Variants in RARB observed in about 807,000 individuals in gnomAD.
RARB encodes the protein HBV-activated protein.
RARB carries 17 observed loss-of-function variants against 51.9 expected under a neutral mutation model. The observed-to-expected ratio is 0.33, with a 90% CI of 0.22 to 0.49. RARB has a LOEUF of 0.49. Among genes scored for constraint, RARB ranks in the 20% least tolerant of loss-of-function variants. RARB has a pLI of 0.99. For synonymous variants in RARB, 215 were observed against 195.4 expected, an observed-to-expected ratio of 1.10 and a Z score of -0.84; for missense variants, 369 against 550.8, an observed-to-expected ratio of 0.67 and a Z score of 3.30.
At chr3:25,334,594 G>A (rs1705007236) in intron 5 of RARB, among the ~76,000 whole-genome samples, 1 of 152,116 alleles carries the variant, frequency 6.6e-6, no homozygotes, top group Non-Finnish European at 1.5e-5. Flanking sequence ...CAAGTTATTG[G>A]ATGCAGCACA....
At chr3:25,580,416 G>A in intron 4 of RARB, 130 bp from the exon 5 acceptor site, 1 of 818,588 alleles carries the variant, frequency 1.2e-6, no homozygotes, top group Non-Finnish European at 1.8e-6. Context: ...AAAAAATGTA[G>A]CTGTCCCACC....
intron 3 of RARB, among the ~76,000 whole-genome samples, chr3:25,531,035 A>C (rs562668292): frequency 2.0e-5 from 3 of 152,340 alleles, no homozygotes; most frequent in Non-Finnish European, 4.4e-5. Context: ...TGCCGGAAAC[A>C]CAGGTGGAGA....
chr3:25,473,092 G>A (rs529597065), intron 2 of RARB, among the ~76,000 whole-genome samples: 58 of 152,242 alleles, frequency 3.8e-4, no homozygotes, highest in African/African-American at 1.3e-3. Context: ...TGAAAACCAC[G>A]CATCCCTCTC....
At chr3:25,578,472 A>G (rs747549450) in intron 4 of RARB, among the ~76,000 whole-genome samples, 1 of 152,184 alleles carries the variant, frequency 6.6e-6, no homozygotes, top group Non-Finnish European at 1.5e-5. Context: ...GGGTCGGGGC[A>G]ATGTCTTTTT....
At chr3:25,153,817 T>C (rs1328815658) in intron 4 of RARB, among the ~76,000 whole-genome samples, 1 of 152,226 alleles carries the variant, frequency 6.6e-6, no homozygotes, top group Non-Finnish European at 1.5e-5. Flanking sequence ...GTGATGTTTA[T>C]CTTTCTGCCA....
At chr3:24,866,034 C>T (rs976382944) in intron 2 of RARB, among the ~76,000 whole-genome samples, 1 of 152,050 alleles carries the variant, frequency 6.6e-6, no homozygotes, top group Admixed American at 6.6e-5. Flanking sequence ...AAAAGTAAAA[C>T]ATTGGTCCTG....
chr3:25,533,788 A>G (rs549640505), intron 3 of RARB, among the ~76,000 whole-genome samples: 1 of 152,354 alleles, frequency 6.6e-6, no homozygotes, highest in South Asian at 2.1e-4. Flanking sequence ...ATCTGTATAA[A>G]TAAGTTTTAA....
chr3:25,517,996 G>C (rs1195289137), intron 3 of RARB, among the ~76,000 whole-genome samples: 1 of 152,092 alleles, frequency 6.6e-6, no homozygotes, highest in Non-Finnish European at 1.5e-5. Context: ...GTCAAGCAGT[G>C]GTGAATGGGG....
At chr3:25,523,337 G>A (rs557209107) in intron 3 of RARB, among the ~76,000 whole-genome samples, 5 of 152,256 alleles carry the variant, frequency 3.3e-5, no homozygotes, top group Admixed American at 6.5e-5. Context: ...GGAAGTGTGG[G>A]TAAGTTTTTT....
intron 2 of RARB, among the ~76,000 whole-genome samples, chr3:24,956,455 T>C (rs888641570): frequency 6.6e-6 from 1 of 152,172 alleles, no homozygotes; most frequent in African/African-American, 2.4e-5. Context: ...GTATCAATGG[T>C]CTGGAGTTGC....
intron 5 of RARB, among the ~76,000 whole-genome samples, chr3:25,362,232 C>G (rs1705965056): frequency 6.6e-6 from 1 of 152,178 alleles, no homozygotes; most frequent in Non-Finnish European, 1.5e-5. Context: ...AGCAGCTCTA[C>G]CAAGCTGCAG....
intron 2 of RARB, among the ~76,000 whole-genome samples, chr3:24,992,238 T>C (rs1457783957): frequency 6.6e-6 from 1 of 152,190 alleles, no homozygotes; most frequent in Non-Finnish European, 1.5e-5. Context: ...ATATACTGGA[T>C]TTTTAAAAAT....
At chr3:25,556,873 A>C (rs1205351238) in intron 3 of RARB, among the ~76,000 whole-genome samples, 1 of 152,228 alleles carries the variant, frequency 6.6e-6, no homozygotes, top group East Asian at 1.9e-4. Flanking sequence ...GGTCTGTGAC[A>C]GTTGGCAATT....
chr3:25,205,169 T>G (rs1371219275), intron 5 of RARB, among the ~76,000 whole-genome samples: 1 of 152,146 alleles, frequency 6.6e-6, no homozygotes, highest in African/African-American at 2.4e-5. Flanking sequence ...CAGTTTGATC[T>G]CAGACTGCTG....
At chr3:24,848,075 G>C (rs1285286245) in intron 1 of RARB, among the ~76,000 whole-genome samples, 1 of 152,150 alleles carries the variant, frequency 6.6e-6, no homozygotes, top group Non-Finnish European at 1.5e-5. Flanking sequence ...TTTTAAAATT[G>C]TTTTGAGACG....
intron 3 of RARB, among the ~76,000 whole-genome samples, chr3:25,123,064 C>T (rs1699809452): frequency 6.6e-6 from 1 of 151,984 alleles, no homozygotes; most frequent in South Asian, 2.1e-4. Flanking sequence ...AATTCTCCTG[C>T]ATGAGCATTG....
intron 2 of RARB, among the ~76,000 whole-genome samples, chr3:24,870,083 TTC>T (rs1292486121): frequency 2.0e-5 from 3 of 152,072 alleles, no homozygotes; most frequent in Admixed American, 1.3e-4. Context: ...TTTCTAAAAG[TTC>T]TTTGTATATC....
At chr3:25,331,656 G>A (rs964260054) in intron 5 of RARB, among the ~76,000 whole-genome samples, 11 of 152,078 alleles carry the variant, frequency 7.2e-5, no homozygotes, top group African/African-American at 2.7e-4. Flanking sequence ...CTAGCAGAAG[G>A]TAAGAAATAA....
At chr3:25,222,654 A>T (rs1365346001) in intron 5 of RARB, among the ~76,000 whole-genome samples, 1 of 152,244 alleles carries the variant, frequency 6.6e-6, no homozygotes, top group Non-Finnish European at 1.5e-5. Context: ...AGATGGAAGG[A>T]ATGAACACTA....
Sources: gnomAD v4.1 joint callset for allele counts (sites outside exome capture counted in the v4.1 genomes callset) on GRCh38, gnomAD v4.1.1 for gene constraint, MANE v1.5 for transcripts, NCBI Gene and HGNC (gene_info 2026-07-23, HGNC 2026-07-21) for gene names.